Variants in RTN4IP1 observed in about 807,000 individuals in gnomAD.
RTN4IP1 encodes reticulon 4 interacting protein 1.
RTN4IP1 carries 32 observed loss-of-function variants against 46.6 expected under a neutral mutation model. The ratio of observed to expected loss-of-function variants is 0.69; its 90% CI spans 0.52 to 0.92. RTN4IP1 has a LOEUF of 0.92. Among genes scored for constraint, RTN4IP1 ranks in the 40% least tolerant of loss-of-function variants. RTN4IP1 has a pLI of 0.00. For missense variants in RTN4IP1, 424 were observed against 485.8 expected, an observed-to-expected ratio of 0.87 and a Z score of 1.20; for synonymous variants, 167 against 161.8, an observed-to-expected ratio of 1.03 and a Z score of -0.24.
Position 106,628,979 on chromosome 6 carries a change from T to C in RTN4IP1, c.43A>G (p.Thr15Ala), listed in dbSNP as rs1262155454. Residue 15 changes from threonine (T) to alanine (A), a missense_variant, in exon 1 of 9, where the codon ACT (threonine) becomes GCT (alanine). Physicochemically the swap from Thr to Ala is moderately conservative, Grantham distance 58. Coordinates refer to ENST00000369063, the MANE Select transcript of RTN4IP1 (RefSeq NM_032730.5). ...TTGCTTCTCCAGAAGCAAACCGCAG[T>C]GCATGCATTTCTTCTAAGTACACAA... ...KTCVLRRNAC[T>A]AVCFWRSKVV... The C allele has an allele frequency of 6.2e-7, 1 of 1,613,858 alleles. No homozygotes were observed.
At chr6:106,579,522 C>T (rs1362260585) in intron 8 of RTN4IP1, among the ~76,000 whole-genome samples, 1 of 152,124 alleles carries the variant, frequency 6.6e-6, no homozygotes. Flanking sequence ...GAAATTTCAG[C>T]TCCTCTTCAC....
At chr6:106,572,670 A>G (rs1434998256) in intron 8 of RTN4IP1, among the ~76,000 whole-genome samples, 2 of 152,144 alleles carry the variant, frequency 1.3e-5, no homozygotes, top group African/African-American at 2.4e-5. Flanking sequence ...CTGAGTACAC[A>G]TCTCAGCCAC....
chr6:106,629,637 T>G (rs773176842), upstream of RTN4IP1: 3 of 1,581,930 alleles, frequency 1.9e-6, no homozygotes, highest in Non-Finnish European at 2.6e-6. Flanking sequence ...GACCTCTTTT[T>G]CCCCCTTGCC....
At chr6:106,595,409 T>C (rs1775759281) in intron 5 of RTN4IP1, among the ~76,000 whole-genome samples, 1 of 152,196 alleles carries the variant, frequency 6.6e-6, no homozygotes, top group African/African-American at 2.4e-5. Context: ...CAGCTGTCAA[T>C]GCTTAATACC....
intron 6 of RTN4IP1, among the ~76,000 whole-genome samples, chr6:106,589,273 A>G (rs2114637585): frequency 7.6e-5 from 1 of 13,166 alleles, no homozygotes; most frequent in African/African-American, 1.8e-4. Context: ...AAGGAGAAGA[A>G]GAAGGAGAAG....
At position 106,587,767 on chromosome 6, in the gene RTN4IP1, AC is replaced by A. The variant is rs1775522352; in HGVS notation, c.901del (p.Val301Ter). 1 of 1,613,806 alleles carries A rather than the reference AC, an allele frequency of 6.2e-7. No individual in the cohort carries two copies. The highest frequency in any genetic ancestry group is 1.3e-5 in the African/African-American group (1 of 74,902). On this transcript the variant is annotated frameshift_variant, in exon 7 of 9. Coordinates refer to ENST00000369063, the MANE Select transcript of RTN4IP1 (RefSeq NM_032730.5). LOFTEE classifies it high-confidence loss of function. ...GTCCATGTTCAGGAGGAAAGGAGTC[AC>A]CAAAGTCACATAGGTGGCTCCTGAC... ...KWSGATYVTLVTPFLLNMDRL... is the reference protein window; with the variant it reads ...KWSGATYVTLXTPFLLNMDRL...
chr6:106,585,939 GAGAA>G (rs1471636787), intron 7 of RTN4IP1, among the ~76,000 whole-genome samples: 2 of 152,212 alleles, frequency 1.3e-5, no homozygotes, highest in African/African-American at 4.8e-5. Flanking sequence ...TTTTGTGAAA[GAGAA>G]AGAAGAGACA....
upstream of RTN4IP1, chr6:106,629,708 G>T: frequency 6.2e-7 from 1 of 1,605,708 alleles, no homozygotes; most frequent in Non-Finnish European, 8.5e-7. Flanking sequence ...TCCGAGAAGT[G>T]AGTGGAATTG....
intron 5 of RTN4IP1, among the ~76,000 whole-genome samples, chr6:106,595,345 G>C (rs1276489144): frequency 1.3e-5 from 2 of 152,088 alleles, no homozygotes; most frequent in Non-Finnish European, 2.9e-5. Flanking sequence ...ACAGTGTCTG[G>C]CAAAACTAGA....
intron 8 of RTN4IP1, among the ~76,000 whole-genome samples, chr6:106,581,054 G>GA (rs1562131733): frequency 6.6e-6 from 1 of 150,950 alleles, no homozygotes; most frequent in Admixed American, 6.6e-5. Context: ...AGAGAGAGAG[G>GA]AAAAAAATTA....
At chr6:106,577,387 G>A (rs928707303) in intron 8 of RTN4IP1, among the ~76,000 whole-genome samples, 2 of 134,800 alleles carry the variant, frequency 1.5e-5, no homozygotes, top group Non-Finnish European at 3.1e-5. Flanking sequence ...GGTCAAGGCT[G>A]CAGCGAGGTG....
At chr6:106,592,701 A>T (rs1006486786) in intron 5 of RTN4IP1, among the ~76,000 whole-genome samples, 2 of 152,184 alleles carry the variant, frequency 1.3e-5, no homozygotes, top group South Asian at 4.1e-4. Context: ...AGACAGGTGG[A>T]TCACCTGAGG....
intron 4 of RTN4IP1, among the ~76,000 whole-genome samples, chr6:106,612,823 C>T (rs1157302280): frequency 6.6e-6 from 1 of 152,148 alleles, no homozygotes; most frequent in Non-Finnish European, 1.5e-5. Context: ...TTAGTTTAGT[C>T]TGTGTGGGCT....
intron 4 of RTN4IP1, among the ~76,000 whole-genome samples, chr6:106,610,578 G>A (rs902082063): frequency 5.9e-5 from 9 of 151,964 alleles, no homozygotes; most frequent in Admixed American, 3.3e-4. Flanking sequence ...CTATATATTC[G>A]AATCTCACTG....
At chr6:106,605,831 A>C (rs1170359137) in intron 4 of RTN4IP1, among the ~76,000 whole-genome samples, 4 of 149,696 alleles carry the variant, frequency 2.7e-5, no homozygotes, top group African/African-American at 2.5e-5. Flanking sequence ...AAAAAAAAAA[A>C]AAAAAAAAAA....
rs753397436 is a variant in RTN4IP1, at chr6:106,583,361, T to C, written c.1050A>G (p.Leu350=). 56 of 1,613,830 alleles carry C rather than the reference T, an allele frequency of 3.5e-5. 1 individual carries two copies. The East Asian group carries it at 7.6e-4, about 22-fold the overall frequency. Reference sequence around the variant, plus strand: ...CATCCACCAGTTCTGCAATGTCATCTAAACATGGGCCACTGGCCATGAAAA... The same window carrying C: ...CATCCACCAGTTCTGCAATGTCATCCAAACATGGGCCACTGGCCATGAAAA... ...WAFFMASGPC[L]DDIAELVDAG... is the part of the protein sequence containing the mutation. Residue 350 remains leucine, a synonymous_variant, in exon 8 of 9, where the codon TTA becomes TTG. Transcript: ENST00000369063.
intron 4 of RTN4IP1, 144 bp downstream of exon 4, chr6:106,619,058 T>C (rs1329561706): frequency 3.3e-6 from 3 of 917,610 alleles, no homozygotes; most frequent in Non-Finnish European, 4.8e-6. Context: ...ACAAATAGAA[T>C]GCTTTGGAAA....
At chr6:106,581,027 G>A (rs954960860) in intron 8 of RTN4IP1, among the ~76,000 whole-genome samples, 3 of 149,262 alleles carry the variant, frequency 2.0e-5, no homozygotes, top group Non-Finnish European at 4.4e-5. Flanking sequence ...TATCCATTTT[G>A]TTAGGAGAGA....
In RTN4IP1 at chr6:106,629,275, AC is replaced by A; in HGVS notation, c.-255del. Reference sequence around the variant, plus strand: ...AGTATTCTGTCCATTCTCCTCCCTCACTTTCACCCCCTCCACTTTAAAAAAA... The same window carrying A: ...AGTATTCTGTCCATTCTCCTCCCTCATTTCACCCCCTCCACTTTAAAAAAA... On this transcript the variant is annotated 5_prime_UTR_variant, in exon 1 of 9. The change creates a new upstream start codon in the 5' untranslated region. Transcript: ENST00000369063. The A allele has an allele frequency of 1.9e-6, 1 of 533,110 alleles. No homozygotes were observed. The highest frequency in any genetic ancestry group is 3.3e-6 in the Non-Finnish European group (1 of 302,462). 33.0% of individuals were successfully genotyped at this position (533,110 alleles called of 1,614,324 possible).
Sources: gnomAD v4.1 joint callset for allele counts (sites outside exome capture counted in the v4.1 genomes callset) on GRCh38, gnomAD v4.1.1 for gene constraint, MANE v1.5 for transcripts, NCBI Gene and HGNC (gene_info 2026-07-23, HGNC 2026-07-21) for gene names.